The following UBE2H variants were observed in gnomAD, a reference collection of about 807,000 sequenced individuals.
UBE2H encodes the protein ubiquitin conjugating enzyme E2 H.
A neutral mutation model predicts 29.0 loss-of-function variants in UBE2H; 3 were observed. The observed-to-expected ratio is 0.10, with a 90% CI of 0.05 to 0.27. UBE2H has a LOEUF of 0.27. Ranked by LOEUF, UBE2H falls within the 10% of genes least tolerant of loss-of-function variation. The pLI, the probability that UBE2H is intolerant of heterozygous loss-of-function variation, is 1.00. For missense variants in UBE2H, 68 were observed against 228.2 expected (o/e 0.30, Z 4.52); for synonymous variants, 69 against 82.9 (o/e 0.83, Z 0.91).
intron 1 of UBE2H, among the ~76,000 whole-genome samples, chr7:129,886,677 C>A (rs955412045): frequency 2.0e-5 from 3 of 150,348 alleles, no homozygotes; most frequent in Admixed American, 6.7e-5. Flanking sequence ...GTGTTCAGAC[C>A]CACCTGCTTC....
At chr7:129,839,063 G>C in intron 6 of UBE2H, 144 bp downstream of exon 6, 2 of 1,237,848 alleles carry the variant, frequency 1.6e-6, no homozygotes, top group Non-Finnish European at 2.2e-6. Flanking sequence ...CGAGGTTGGT[G>C]AGCACTACTT....
chr7:129,885,198 A>G (rs1479003989), intron 1 of UBE2H, among the ~76,000 whole-genome samples: 1 of 152,250 alleles, frequency 6.6e-6, no homozygotes, highest in African/African-American at 2.4e-5. Flanking sequence ...AGTCAACTGA[A>G]TTTAGTTGTA....
intron 1 of UBE2H, among the ~76,000 whole-genome samples, chr7:129,917,037 C>CA (rs35874993): frequency 0.067 from 6,466 of 96,260 alleles, 224 homozygotes; most frequent in Middle Eastern, 0.11. Context: ...ATTCCGTCTC[C>CA]AAAAAAAAAA....
intron 3 of UBE2H, among the ~76,000 whole-genome samples, chr7:129,873,583 C>A (rs886789875): frequency 6.6e-6 from 1 of 151,678 alleles, no homozygotes. Flanking sequence ...TAAAGGTATA[C>A]ACCACCATGC....
At chr7:129,933,385 C>T (rs1175359147) in intron 1 of UBE2H, among the ~76,000 whole-genome samples, 5 of 152,250 alleles carry the variant, frequency 3.3e-5, no homozygotes, top group Non-Finnish European at 7.4e-5. Flanking sequence ...AAACAGGGTA[C>T]TAAAAAGCTC....
intron 1 of UBE2H, among the ~76,000 whole-genome samples, chr7:129,913,793 C>A (rs989646147): frequency 6.6e-6 from 1 of 151,810 alleles, no homozygotes; most frequent in Admixed American, 6.6e-5. Flanking sequence ...AAGAGCCAGA[C>A]CCTGTCTCTC....
intron 1 of UBE2H, among the ~76,000 whole-genome samples, chr7:129,900,736 T>C (rs1391326296): frequency 6.6e-6 from 1 of 151,016 alleles, no homozygotes; most frequent in African/African-American, 2.4e-5. Context: ...ATCGTATGAT[T>C]AAGATTTCTT....
At chr7:129,928,989 G>A (rs1436535511) in intron 1 of UBE2H, among the ~76,000 whole-genome samples, 1 of 152,150 alleles carries the variant, frequency 6.6e-6, no homozygotes, top group Non-Finnish European at 1.5e-5. Context: ...TGAGTGCACT[G>A]TCAATTGCCC....
intron 5 of UBE2H, among the ~76,000 whole-genome samples, chr7:129,840,045 A>C (rs190843686): frequency 1.1e-3 from 167 of 152,242 alleles, no homozygotes; most frequent in African/African-American, 3.6e-3. Context: ...CATTTAATTC[A>C]ATTCTTGCAA....
intron 1 of UBE2H, among the ~76,000 whole-genome samples, chr7:129,887,270 GGAGT>G (rs1806382998): frequency 6.9e-6 from 1 of 145,654 alleles, no homozygotes; most frequent in Non-Finnish European, 1.5e-5. Context: ...CACCCAGGCT[GGAGT>G]GCAGTCGCAC....
At chr7:129,837,772 G>A (rs1345842183) in intron 6 of UBE2H, among the ~76,000 whole-genome samples, 1 of 152,186 alleles carries the variant, frequency 6.6e-6, no homozygotes, top group Non-Finnish European at 1.5e-5. Context: ...GTGGGGGTGA[G>A]CTCAGGTCTG....
intron 1 of UBE2H, among the ~76,000 whole-genome samples, chr7:129,895,069 G>C (rs1806573275): frequency 6.6e-6 from 1 of 152,126 alleles, no homozygotes; most frequent in Non-Finnish European, 1.5e-5. Context: ...AAGACATCTG[G>C]TACTTAATTA....
At chr7:129,859,013 A>T in intron 3 of UBE2H, 72 bp from the exon 4 acceptor site, 2 of 1,251,030 alleles carry the variant, frequency 1.6e-6, no homozygotes, top group Non-Finnish European at 2.3e-6. Flanking sequence ...TACTGGAAAC[A>T]ATTTCAGTAT....
At chr7:129,946,965 G>C (rs1270221219) in intron 1 of UBE2H, among the ~76,000 whole-genome samples, 1 of 152,148 alleles carries the variant, frequency 6.6e-6, no homozygotes, top group Non-Finnish European at 1.5e-5. Context: ...CATCAAATCT[G>C]TTAAGACTGA....
chr7:129,874,300 T>A lies in UBE2H; in HGVS notation c.205+5268A>T, dbSNP rs1042618174. ...CTATAAGCCCTGAATTTAATTTTTT[T>A]TATATATATAATTTTTTTTTTTTTT... On this transcript the variant is annotated intron_variant, in intron 3 of 6. Transcript: ENST00000355621. Among the ~76,000 whole-genome samples, 9 of 150,550 alleles carry A rather than the reference T, an allele frequency of 6.0e-5. No homozygotes were observed. In the East Asian group the frequency reaches 1.2e-3, roughly 19 times the overall value.
At chr7:129,858,696 G>A (rs1382734704) in intron 4 of UBE2H, among the ~76,000 whole-genome samples, 31 of 152,072 alleles carry the variant, frequency 2.0e-4, no homozygotes, top group Admixed American at 2.0e-3. Context: ...CACGACAATG[G>A]AAAAAAATAA....
intron 5 of UBE2H, among the ~76,000 whole-genome samples, chr7:129,854,060 GTTTTT>G (rs56362841): frequency 1.2e-4 from 12 of 100,306 alleles, no homozygotes; most frequent in Admixed American, 8.6e-4. Flanking sequence ...TTTAGTGTTA[GTTTTT>G]TTTTTTTTTT....
chr7:129,892,090 C>T (rs939792380), intron 1 of UBE2H, among the ~76,000 whole-genome samples: 2 of 151,580 alleles, frequency 1.3e-5, no homozygotes, highest in African/African-American at 4.8e-5. Context: ...GCAGCTGGGA[C>T]TACAGGCGCC....
chr7:129,945,106 T>C (rs1807736445), intron 1 of UBE2H, among the ~76,000 whole-genome samples: 1 of 152,078 alleles, frequency 6.6e-6, no homozygotes, highest in African/African-American at 2.4e-5. Context: ...GATCAATGGT[T>C]GGAAGGGAGG....
Sources: allele counts gnomAD v4.1 joint callset (sites outside exome capture counted in the v4.1 genomes callset), GRCh38; gene constraint gnomAD v4.1.1; transcripts MANE v1.5; gene names NCBI Gene and HGNC (gene_info 2026-07-23, HGNC 2026-07-21).